Variants in MALRD1 observed in about 807,000 individuals in gnomAD.
MALRD1 encodes MAM and LDL receptor class A domain containing 1, also known as MAM and LDL-receptor class A domain-containing protein 1.
Under a neutral mutation model 242.1 loss-of-function variants are expected in MALRD1, and 247 were observed. That is an observed-to-expected ratio of 1.02 (90% CI 0.92 to 1.13). The LOEUF (loss-of-function observed/expected upper bound fraction) is 1.13, where lower values mean the gene tolerates loss of function less well. Among genes scored for constraint, MALRD1 ranks in the 50% most tolerant of loss-of-function variants. MALRD1 has a pLI of 0.00. For missense variants in MALRD1, 2,989 were observed against 2,533.1 expected (o/e 1.18, Z -3.86); for synonymous variants, 995 against 866.6 (o/e 1.15, Z -2.60).
At chr10:19,495,869 G>A (rs1004159030) in intron 30 of MALRD1, among the ~76,000 whole-genome samples, 1 of 152,052 alleles carries the variant, frequency 6.6e-6, no homozygotes, top group Non-Finnish European at 1.5e-5. Context: ...CAAAATAAAG[G>A]GAAGGAGAAA....
intron 28 of MALRD1, among the ~76,000 whole-genome samples, chr10:19,432,129 G>C (rs1834157344): frequency 1.3e-5 from 2 of 152,144 alleles, no homozygotes; most frequent in African/African-American, 4.8e-5. Context: ...TCTATACAGA[G>C]AGTATAGTAA....
intron 32 of MALRD1, among the ~76,000 whole-genome samples, chr10:19,532,844 A>T (rs1176959712): frequency 6.6e-6 from 1 of 152,192 alleles, no homozygotes; most frequent in African/African-American, 2.4e-5. Flanking sequence ...GCATGTAAAA[A>T]TTTTAAATTA....
At chr10:19,134,440 G>T (rs1588595084) in intron 9 of MALRD1, among the ~76,000 whole-genome samples, 1 of 152,160 alleles carries the variant, frequency 6.6e-6, no homozygotes. Flanking sequence ...TTAGGTTGGT[G>T]CAAATGTAAT....
At chr10:19,059,895 G>A (rs1237082978) in intron 1 of MALRD1, among the ~76,000 whole-genome samples, 3 of 152,072 alleles carry the variant, frequency 2.0e-5, no homozygotes, top group African/African-American at 4.8e-5. Context: ...TTCTGTTGTT[G>A]TTGTTGTTTT....
At chr10:19,457,932 C>T (rs1291004555) in intron 29 of MALRD1, among the ~76,000 whole-genome samples, 1 of 151,566 alleles carries the variant, frequency 6.6e-6, no homozygotes, top group Non-Finnish European at 1.5e-5. Flanking sequence ...GATTCAAAAT[C>T]TTTTCAGTAA....
In MALRD1 at chr10:19,439,741, C is replaced by G. The variant is rs79582100; in HGVS notation, c.4846-10566C>G. Among the ~76,000 whole-genome samples the G allele has an allele frequency of 7.0e-3, 1,056 of 151,806 alleles. 14 individuals carry two copies. The highest frequency in any genetic ancestry group is 0.024 in the Admixed American group (371 of 15,240). On this transcript the variant is annotated intron_variant, in intron 28 of 39. Transcript: ENST00000454679. ...AAATAATAAGTATATAATATGTGGA[C>G]TATTGTTTTGAATGTGTCATATTTT...
chr10:19,381,783 G>A (rs534474659), intron 26 of MALRD1, among the ~76,000 whole-genome samples: 1 of 152,000 alleles, frequency 6.6e-6, no homozygotes, highest in African/African-American at 2.4e-5. Context: ...AGTTTGCAGT[G>A]AGCCGAGATT....
At chr10:19,284,647 A>C (rs938961879) in intron 21 of MALRD1, among the ~76,000 whole-genome samples, 3 of 143,300 alleles carry the variant, frequency 2.1e-5, no homozygotes, top group Admixed American at 1.4e-4. Context: ...AATCCAGTCT[A>C]TCATTGTTGG....
intron 2 of MALRD1, among the ~76,000 whole-genome samples, chr10:19,085,359 A>C (rs1174701823): frequency 6.6e-6 from 1 of 152,026 alleles, no homozygotes; most frequent in Non-Finnish European, 1.5e-5. Context: ...AAGAAATTCT[A>C]TACTCATACT....
intron 21 of MALRD1, among the ~76,000 whole-genome samples, chr10:19,284,139 T>C (rs1840972881): frequency 1.3e-5 from 2 of 152,208 alleles, no homozygotes; most frequent in African/African-American, 2.4e-5. Flanking sequence ...AAATGTAATA[T>C]TTTTCTTTAT....
chr10:19,466,941 AT>A (rs1769730256), intron 29 of MALRD1, among the ~76,000 whole-genome samples: 1 of 152,016 alleles, frequency 6.6e-6, no homozygotes, highest in Non-Finnish European at 1.5e-5. Context: ...AGCATTACCA[AT>A]TTTGGATTTT....
rs967902414 is a variant in MALRD1 at position 19,469,667 on chromosome 10, G to T, written c.5029+19177G>T. On this transcript the variant is annotated intron_variant, in intron 29 of 39. Coordinates refer to ENST00000454679, the MANE Select transcript of MALRD1 (RefSeq NM_001142308.3). ...AGAATTGGGATGTTTGCTAAGATTG[G>T]AGTTTTGCTATTGCATTGTCCTGCA... Among the ~76,000 whole-genome samples the T allele has an allele frequency of 3.9e-5, 6 of 152,182 alleles. No individual in the cohort carries two copies. In the South Asian group the frequency reaches 1.2e-3, roughly 32 times the overall value.
intron 34 of MALRD1, among the ~76,000 whole-genome samples, chr10:19,602,151 T>C (rs1838373960): frequency 8.7e-6 from 1 of 115,342 alleles, no homozygotes; most frequent in South Asian, 2.5e-4. Flanking sequence ...CAGTGCCAAT[T>C]TTCTTTTTTT....
rs1032969750 is a variant in MALRD1, at chr10:19,209,353, G to A, written c.2664G>A (p.Gln888=). ...AKDDFDWTRS[Q]GPTPTLNTGP... is the part of the protein sequence containing the mutation. ...ATGACTTTGATTGGACCAGGAGCCA[G>A]GGTCCAACTCCAACACTTAACACAG... The change falls in exon 18 of 40, where the codon CAG becomes CAA. Residue 888 remains glutamine, a synonymous_variant. Coordinates refer to ENST00000454679, the MANE Select transcript of MALRD1 (RefSeq NM_001142308.3). 1.2e-5 allele frequency: 18 copies of A among 1,550,616 alleles called. 1 individual carries two copies. In the South Asian group the frequency reaches 1.9e-4, roughly 16 times the overall value.
intron 28 of MALRD1, among the ~76,000 whole-genome samples, chr10:19,396,380 C>T (rs923274899): frequency 2.5e-4 from 38 of 152,086 alleles, no homozygotes; most frequent in African/African-American, 8.4e-4. Context: ...TCGTGATTCT[C>T]CTGTCTCGGC....
chr10:19,498,491 A>T lies in MALRD1; in HGVS notation c.5165A>T (p.Tyr1722Phe). The T allele has an allele frequency of 6.5e-7, 1 of 1,549,936 alleles. No homozygotes were observed. The highest frequency in any genetic ancestry group is 8.7e-7 in the Non-Finnish European group (1 of 1,146,530). The change falls in exon 31 of 40, where the codon TAT becomes TTT. Residue 1722 changes from tyrosine (Y) to phenylalanine (F), a missense_variant. Physicochemically the swap from Tyr to Phe is conservative, Grantham distance 22 (BLOSUM62 3). Transcript: ENST00000454679. ...DRSDEAHCAHYTSTTGSCNFE... is the reference protein window; with the variant it reads ...DRSDEAHCAHFTSTTGSCNFE... ...AATGTTTTTGCTTCCCCAGCACATTATACAAGCACAACAGGAAGCTGCAAT... is the reference window on the plus strand; with the variant it reads ...AATGTTTTTGCTTCCCCAGCACATTTTACAAGCACAACAGGAAGCTGCAAT...
chr10:19,124,036 T>C (rs1837161764), intron 6 of MALRD1, among the ~76,000 whole-genome samples: 3 of 129,960 alleles, frequency 2.3e-5, no homozygotes, highest in Admixed American at 8.4e-5. Context: ...CAAGATGTCA[T>C]CTCTACCAAA....
chr10:19,514,248 A>T (rs1327126661), intron 31 of MALRD1, among the ~76,000 whole-genome samples: 2 of 152,226 alleles, frequency 1.3e-5, no homozygotes, highest in African/African-American at 4.8e-5. Flanking sequence ...ACAGCATTAT[A>T]CTACAACCAT....
Position 19,425,686 on chromosome 10 carries a change from G to A in MALRD1, c.4846-24621G>A, listed in dbSNP as rs16918729. Among the ~76,000 whole-genome samples, 150 of 152,206 alleles carry A rather than the reference G, an allele frequency of 9.9e-4. 3 individuals carry two copies. In the East Asian group the frequency reaches 0.026, roughly 27 times the overall value. On this transcript the variant is annotated intron_variant, in intron 28 of 39. Transcript: ENST00000454679. ...GCATTCTCCTGAGATGTTTAAAACC[G>A]GAGAGGGAAGTAAGAGGGAAAAGAA... is the stretch of plus-strand genomic sequence containing the variant.
Sources: allele counts gnomAD v4.1 joint callset (sites outside exome capture counted in the v4.1 genomes callset), GRCh38; gene constraint gnomAD v4.1.1; transcripts MANE v1.5; gene names NCBI Gene and HGNC (gene_info 2026-07-23, HGNC 2026-07-21).